PSMD12: variants seen among roughly 807,000 people sequenced by gnomAD.
PSMD12 encodes proteasome 26S subunit, non-ATPase 12.
Under a neutral mutation model 62.9 loss-of-function variants are expected in PSMD12, and 8 were observed. The observed-to-expected ratio is 0.13, with a 90% CI of 0.07 to 0.23. PSMD12 has a LOEUF of 0.23. Among genes scored for constraint, PSMD12 ranks in the 10% least tolerant of loss-of-function variants. PSMD12 has a pLI of 1.00. For missense variants in PSMD12, 424 were observed against 550.2 expected (o/e 0.77, Z 2.29); for synonymous variants, 173 against 187.4 (o/e 0.92, Z 0.63).
intron 3 of PSMD12, among the ~76,000 whole-genome samples, chr17:67,356,348 G>A (rs980751140): frequency 5.9e-5 from 9 of 151,574 alleles, no homozygotes; most frequent in Non-Finnish European, 1.0e-4. Context: ...CACGAGGTCA[G>A]GAGATCGAGA....
At chr17:67,363,464 C>T (rs918630667) in intron 1 of PSMD12, among the ~76,000 whole-genome samples, 7 of 152,066 alleles carry the variant, frequency 4.6e-5, no homozygotes, top group Admixed American at 6.6e-5. Flanking sequence ...ATAAAAAATG[C>T]CTTAAGGAAA....
intron 3 of PSMD12, among the ~76,000 whole-genome samples, chr17:67,351,429 A>AATAATAATAATT (rs1166139372): frequency 2.7e-5 from 4 of 147,800 alleles, no homozygotes; most frequent in South Asian, 2.1e-4. Context: ...TAATAATAAT[A>AATAATAATAATT]ATTAGGACCA....
rs1309196349 is a variant in PSMD12 at position 67,341,037 on chromosome 17, G to A, written c.1177C>T (p.Leu393Phe). Residue 393 changes from leucine (L) to phenylalanine (F), a missense_variant, in exon 11 of 11, where the codon CTC (leucine) becomes TTC (phenylalanine). Physicochemically the swap from Leu to Phe is conservative, Grantham distance 22. Transcript: ENST00000356126. ...DLSVDESEAF[L>F]SNLVVNKTIF... is the part of the protein sequence containing the mutation. ...GTCTTGTTAACTACTAGATTTGAGA[G>A]AAAGGCTTCGGACTCCTGCAAGAGA... 1 of 1,551,066 alleles carries A rather than the reference G, an allele frequency of 6.4e-7. No homozygotes were observed.
chr17:67,344,000 G>A (rs929222031), intron 9 of PSMD12, among the ~76,000 whole-genome samples: 6 of 152,148 alleles, frequency 3.9e-5, no homozygotes, highest in Non-Finnish European at 5.9e-5. Flanking sequence ...CACCACGCCC[G>A]GCCTAGGGAG....
intron 1 of PSMD12, among the ~76,000 whole-genome samples, chr17:67,363,277 G>A (rs2042150661): frequency 6.6e-6 from 1 of 152,132 alleles, no homozygotes; most frequent in South Asian, 2.1e-4. Context: ...TCAGCCTCCA[G>A]AGTAGCTGGG....
At chr17:67,360,675 T>C (rs570306830) in intron 1 of PSMD12, among the ~76,000 whole-genome samples, 16 of 152,218 alleles carry the variant, frequency 1.1e-4, no homozygotes, top group Non-Finnish European at 2.2e-4. Context: ...CTGATGCACA[T>C]AGCTTACCTC....
chr17:67,346,404 G>GA (rs56153169), intron 7 of PSMD12, among the ~76,000 whole-genome samples: 105,075 of 143,556 alleles, frequency 0.73, 38,809 homozygotes, highest in Non-Finnish European at 0.79. Flanking sequence ...AAAAAAAAAA[G>GA]AAAAAAAAAA....
intron 1 of PSMD12, among the ~76,000 whole-genome samples, chr17:67,364,524 C>G (rs761685315): frequency 3.9e-5 from 6 of 152,196 alleles, no homozygotes; most frequent in Non-Finnish European, 7.3e-5. Context: ...CTGACTAGGT[C>G]TTGCAAACAG....
rs868621423 is a variant in PSMD12 at position 67,340,645 on chromosome 17, G to A, written c.*198C>T. Reference sequence around the variant, plus strand: ...TTGTGTATTCAGACGACAGAAATCTGTATTTTTGCACCAATTGCAAATGCA... The same window carrying A: ...TTGTGTATTCAGACGACAGAAATCTATATTTTTGCACCAATTGCAAATGCA... On this transcript the variant is annotated 3_prime_UTR_variant, in exon 11 of 11. Transcript: ENST00000356126. 104 of 455,624 alleles carry A rather than the reference G, an allele frequency of 2.3e-4. No homozygotes were observed. The highest frequency in any genetic ancestry group is 1.3e-3 in the Admixed American group (30 of 22,572). The allele number at this position is 455,624 out of a possible 1,614,324, so 28.2% of individuals were successfully genotyped here. A position where few individuals can be genotyped will look rare whatever the true frequency, so the allele number is the denominator to read the frequency against.
chr17:67,347,044 G>T lies in PSMD12; in HGVS notation c.795+72C>A, dbSNP rs1174551237. The T allele has an allele frequency of 4.8e-6, 7 of 1,452,210 alleles. No individual in the cohort carries two copies. In the African/African-American group the frequency reaches 5.7e-5, roughly 12 times the overall value. 90.0% of individuals were successfully genotyped at this position (1,452,210 alleles called of 1,614,324 possible). A position where few individuals can be genotyped will look rare whatever the true frequency, so the allele number is the denominator to read the frequency against. ...TGCATCTAACTATTGCAGTTAAAAA[G>T]ATTTGAAAATAAAAAAAGCAAATTA... On this transcript the variant is annotated intron_variant, in intron 7 of 10. Transcript: ENST00000356126.
rs563164934 is a variant in PSMD12 at position 67,349,103 on chromosome 17, T to A, written c.406-449A>T. ...GGCGTGATCTCGGCTCACCACAACCTCTACCTCCCGGGTTCAACTGATTTT... is the reference window on the plus strand; with the variant it reads ...GGCGTGATCTCGGCTCACCACAACCACTACCTCCCGGGTTCAACTGATTTT... On this transcript the variant is annotated intron_variant, in intron 4 of 10. Coordinates refer to ENST00000356126, the MANE Select transcript of PSMD12 (RefSeq NM_002816.5). Among the ~76,000 whole-genome samples, 16 of 152,332 alleles carry A rather than the reference T, an allele frequency of 1.1e-4. No homozygotes were observed. In the East Asian group the frequency reaches 3.1e-3, roughly 29 times the overall value.
In PSMD12 at chr17:67,341,469, CAAAAAAAAAA is replaced by C. The variant is rs71368819; in HGVS notation, c.1162-427_1162-418del. On this transcript the variant is annotated intron_variant, in intron 10 of 10. Transcript: ENST00000356126. ...TGGGCGACAAGGTGAGACTCTGCCT[CAAAAAAAAAA>C]AAAAAAAAAAAAAAAGAGTTAGCAA... 3.5e-4 allele frequency among the ~76,000 whole-genome samples: 18 copies of C among 51,128 alleles called. 1 individual carries two copies. The highest frequency in any genetic ancestry group is 6.0e-4 in the Admixed American group (2 of 3,332). The allele number at this position is 51,128 out of a possible 152,430, so 33.5% of individuals were successfully genotyped here. A position where few individuals can be genotyped will look rare whatever the true frequency, so the allele number is the denominator to read the frequency against.
At chr17:67,344,864 C>G in intron 8 of PSMD12, 84 bp from the exon 9 acceptor site, 3 of 1,181,922 alleles carry the variant, frequency 2.5e-6, no homozygotes, top group Non-Finnish European at 2.3e-6. Context: ...AAAAATTCAG[C>G]AAAGACTGTT....
chr17:67,362,349 C>T (rs980544037), intron 1 of PSMD12, among the ~76,000 whole-genome samples: 1 of 152,220 alleles, frequency 6.6e-6, no homozygotes, highest in Non-Finnish European at 1.5e-5. Flanking sequence ...GGTGCTTACA[C>T]ACCAATCACA....
At chr17:67,346,696 TCTGA>T (rs1300801949) in intron 7 of PSMD12, among the ~76,000 whole-genome samples, 1 of 152,240 alleles carries the variant, frequency 6.6e-6, no homozygotes, top group Non-Finnish European at 1.5e-5. Context: ...TCATTGCTAA[TCTGA>T]CTTACTCCCC....
At position 67,340,752 on chromosome 17, in the gene PSMD12, G is replaced by T; in HGVS notation, c.*91C>A. 1 of 990,852 alleles carries T rather than the reference G, an allele frequency of 1.0e-6. No homozygotes were observed. The allele number at this position is 990,852 out of a possible 1,614,324, so 61.4% of individuals were successfully genotyped here. ...CTATTTTAAAATTTAAGACAAAGAA[G>T]CTTAGAAAAAAAACCCCAACATATA... On this transcript the variant is annotated 3_prime_UTR_variant, in exon 11 of 11. Transcript: ENST00000356126.
chr17:67,355,105 T>C (rs528698217), intron 3 of PSMD12, among the ~76,000 whole-genome samples: 302 of 150,720 alleles, frequency 2.0e-3, no homozygotes, highest in African/African-American at 7.1e-3. Flanking sequence ...TTTTTTTTTT[T>C]TTTGGAGACA....
chr17:67,355,161 C>T (rs1288561683), intron 3 of PSMD12, among the ~76,000 whole-genome samples: 20 of 147,210 alleles, frequency 1.4e-4, no homozygotes, highest in Non-Finnish European at 1.9e-4. Flanking sequence ...GGCACAATCT[C>T]GGCTCACTGC....
chr17:67,342,437 T>C, intron 9 of PSMD12, 174 bp from the exon 10 acceptor site: 1 of 492,158 alleles, frequency 2.0e-6, no homozygotes. Flanking sequence ...CAAAACTAAA[T>C]ACTTAGATAT....
Sources: gnomAD v4.1 joint callset for allele counts (sites outside exome capture counted in the v4.1 genomes callset) on GRCh38, gnomAD v4.1.1 for gene constraint, MANE v1.5 for transcripts, NCBI Gene and HGNC (gene_info 2026-07-23, HGNC 2026-07-21) for gene names.